Variants in MOXD1 observed in about 807,000 individuals in gnomAD.
The protein encoded by MOXD1 is DBH-like monooxygenase protein 1.
A neutral mutation model predicts 66.6 loss-of-function variants in MOXD1; 62 were observed. The observed-to-expected ratio is 0.93, with a 90% CI of 0.76 to 1.15. MOXD1 has a LOEUF of 1.15. Ranked by LOEUF, MOXD1 falls within the 50% of genes most tolerant of loss-of-function variation. The probability of loss-of-function intolerance (pLI) is 0.00; values close to 1 mark genes in which losing one functional copy is unlikely to be tolerated. For synonymous variants in MOXD1, 303 were observed against 281.9 expected, an observed-to-expected ratio of 1.07 and a Z score of -0.75; for missense variants, 847 against 754.6, an observed-to-expected ratio of 1.12 and a Z score of -1.44.
At chr6:132,303,082 A>C (rs116422071) in intron 10 of MOXD1, among the ~76,000 whole-genome samples, 501 of 107,978 alleles carry the variant, frequency 4.6e-3, no homozygotes, top group African/African-American at 0.034. Context: ...AAAACTGTGA[A>C]CTTTTCAGGG....
At chr6:132,363,222 C>CAA (rs71926607) in intron 4 of MOXD1, among the ~76,000 whole-genome samples, 5 of 137,992 alleles carry the variant, frequency 3.6e-5, no homozygotes, top group South Asian at 2.3e-4. Context: ...CAATAAAAAA[C>CAA]AAAAAAAAAA....
Position 132,297,815 on chromosome 6 carries a change from C to T in MOXD1, c.1649G>A (p.Cys550Tyr). 8.7e-6 allele frequency: 14 copies of T among 1,611,990 alleles called. No homozygotes were observed. The highest frequency in any genetic ancestry group is 1.2e-5 in the Non-Finnish European group (14 of 1,179,122). ...CCACTCAGCATTGTCTGTCTTGGAA[C>T]ATCTCACATTCACTGGCAGGCTGAG... ...LVLSLPVNVR[C>Y]SKTDNAEWSI... Residue 550 changes from cysteine (C) to tyrosine (Y), a missense_variant, in exon 11 of 12, where the codon TGT (cysteine) becomes TAT (tyrosine). Physicochemically the swap from Cys to Tyr is radical, Grantham distance 194. Coordinates refer to ENST00000367963, the MANE Select transcript of MOXD1 (RefSeq NM_015529.4).
In MOXD1 at chr6:132,374,796, A is replaced by G; in HGVS notation, c.265-19T>C. ...AATAATCCTGTGGAAAATATGGAAA[A>G]GAAAAATCAGGATACCTAAATACAG... On this transcript the variant is annotated intron_variant, in intron 1 of 11. Transcript: ENST00000367963. 1 of 1,606,542 alleles carries G rather than the reference A, an allele frequency of 6.2e-7. No individual in the cohort carries two copies. Among genetic ancestry groups the G allele is most frequent in the Non-Finnish European group, 8.5e-7 (1 of 1,173,608 alleles).
chr6:132,312,261 A>G (rs994917041), intron 10 of MOXD1, among the ~76,000 whole-genome samples: 1 of 152,110 alleles, frequency 6.6e-6, no homozygotes, highest in African/African-American at 2.4e-5. Context: ...AATGTTTAAA[A>G]TAAAATATAG....
chr6:132,335,647 C>G (rs1327416301), intron 4 of MOXD1, among the ~76,000 whole-genome samples: 2 of 152,332 alleles, frequency 1.3e-5, no homozygotes, highest in Non-Finnish European at 2.9e-5. Context: ...TGATTTCAGA[C>G]TCCTGATCTC....
At chr6:132,370,302 C>A (rs949684695) in intron 4 of MOXD1, among the ~76,000 whole-genome samples, 9 of 151,944 alleles carry the variant, frequency 5.9e-5, no homozygotes, top group African/African-American at 1.9e-4. Flanking sequence ...AAGGCAAGTC[C>A]TAGATTTATG....
intron 4 of MOXD1, among the ~76,000 whole-genome samples, chr6:132,349,252 T>A (rs1261642455): frequency 6.6e-6 from 1 of 150,696 alleles, no homozygotes; most frequent in Non-Finnish European, 1.5e-5. Context: ...ATTCCTGAGT[T>A]ACTTGACTTA....
chr6:132,374,893 T>C (rs1309227516), intron 1 of MOXD1, 116 bp from the exon 2 acceptor site: 1 of 1,033,040 alleles, frequency 9.7e-7, no homozygotes, highest in Non-Finnish European at 1.4e-6. Context: ...ATCCCGGGAA[T>C]TTCCAAGGGG....
At chr6:132,328,281 C>T (rs796930954) in intron 5 of MOXD1, 134 bp downstream of exon 5, 18 of 1,271,692 alleles carry the variant, frequency 1.4e-5, no homozygotes, top group African/African-American at 1.1e-4. Context: ...TCCCTTCCTA[C>T]GAAAATGGAG....
rs1372225469 is a variant in MOXD1 at position 132,371,647 on chromosome 6, GA to G, written c.663+960del. Among the ~76,000 whole-genome samples, 10 of 152,240 alleles carry G rather than the reference GA, an allele frequency of 6.6e-5. 1 individual carries two copies. The highest frequency in any genetic ancestry group is 6.5e-4 in the Admixed American group (10 of 15,276). ...ATGGCTGTCCATCTTTTACAGATGA[GA>G]AAACCTAAGGCTACAGCATTACCCC... On this transcript the variant is annotated intron_variant, in intron 4 of 11. Coordinates refer to ENST00000367963, the MANE Select transcript of MOXD1 (RefSeq NM_015529.4).
chr6:132,313,251 C>A (rs1169592543), intron 10 of MOXD1, among the ~76,000 whole-genome samples: 1 of 152,030 alleles, frequency 6.6e-6, no homozygotes, highest in African/African-American at 2.4e-5. Flanking sequence ...TATTTCCTCC[C>A]CTATAAAACC....
At chr6:132,331,368 C>T (rs1440146565) in intron 4 of MOXD1, among the ~76,000 whole-genome samples, 4 of 152,154 alleles carry the variant, frequency 2.6e-5, no homozygotes, top group African/African-American at 7.2e-5. Context: ...ACTGTCACGA[C>T]AGTTTCAGAA....
At chr6:132,303,602 A>C (rs1234739811) in intron 10 of MOXD1, among the ~76,000 whole-genome samples, 1 of 150,900 alleles carries the variant, frequency 6.6e-6, no homozygotes, top group Non-Finnish European at 1.5e-5. Context: ...GTGCATGTTC[A>C]ATATAGATGC....
chr6:132,370,015 G>C (rs1297839222), intron 4 of MOXD1, among the ~76,000 whole-genome samples: 1 of 152,010 alleles, frequency 6.6e-6, no homozygotes, highest in Admixed American at 6.6e-5. Flanking sequence ...AACTGTGATC[G>C]ATATTCTTAA....
intron 4 of MOXD1, among the ~76,000 whole-genome samples, chr6:132,369,027 C>A (rs746122760): frequency 2.0e-5 from 3 of 152,046 alleles, no homozygotes; most frequent in Non-Finnish European, 2.9e-5. Context: ...CTCAAAATAT[C>A]TTATCATACT....
chr6:132,334,048 T>C (rs1775386818), intron 4 of MOXD1, among the ~76,000 whole-genome samples: 1 of 152,222 alleles, frequency 6.6e-6, no homozygotes, highest in African/African-American at 2.4e-5. Flanking sequence ...ACCATAAAGC[T>C]GACCTTGACA....
chr6:132,386,427 AC>A (rs1582609308), intron 1 of MOXD1, among the ~76,000 whole-genome samples: 26 of 142,854 alleles, frequency 1.8e-4, no homozygotes, highest in African/African-American at 5.3e-4. Context: ...ACAAAACAAA[AC>A]AAAACAAAAA....
Position 132,297,256 on chromosome 6 carries a change from A to C in MOXD1, c.1739T>G (p.Val580Gly). The C allele has an allele frequency of 6.2e-7, 1 of 1,613,662 alleles. No individual in the cohort carries two copies. The highest frequency in any genetic ancestry group is 8.5e-7 in the Non-Finnish European group (1 of 1,179,702). ...GGAAGAGGAAGAAGACGTGCCACAC[A>C]CCAAAGGTTCTGCTTTATAGGGTCT... ...IERPYKAEPLVCGTSSSSSLH... is the reference protein window; with the variant it reads ...IERPYKAEPLGCGTSSSSSLH... The change falls in exon 12 of 12, where the codon GTG (valine) becomes GGG (glycine). Residue 580 changes from valine to glycine, a missense_variant. Transcript: ENST00000367963.
chr6:132,399,171 T>C (rs949804777), intron 1 of MOXD1, among the ~76,000 whole-genome samples: 1 of 152,178 alleles, frequency 6.6e-6, no homozygotes, highest in Non-Finnish European at 1.5e-5. Context: ...TTAAGTTAAC[T>C]GTCTTTCCAT....
Sources: allele counts gnomAD v4.1 joint callset (sites outside exome capture counted in the v4.1 genomes callset), GRCh38; gene constraint gnomAD v4.1.1; transcripts MANE v1.5; gene names NCBI Gene and HGNC (gene_info 2026-07-23, HGNC 2026-07-21).